THSD7B: variants seen among roughly 807,000 people sequenced by gnomAD.
The protein encoded by THSD7B is thrombospondin type-1 domain-containing protein 7B.
Under a neutral mutation model 213.6 loss-of-function variants are expected in THSD7B, and 138 were observed. The ratio of observed to expected loss-of-function variants is 0.65; its 90% CI spans 0.56 to 0.74. THSD7B has a LOEUF of 0.74. Ranked by LOEUF, THSD7B falls within the 30% of genes least tolerant of loss-of-function variation. The pLI is 0.00. For missense variants in THSD7B, 1,931 were observed against 1,991.5 expected (o/e 0.97, Z 0.58); for synonymous variants, 742 against 687.0 (o/e 1.08, Z -1.25).
chr2:137,366,588 AT>A (rs989454197), intron 12 of THSD7B, among the ~76,000 whole-genome samples: 6 of 151,910 alleles, frequency 3.9e-5, no homozygotes, highest in South Asian at 2.1e-4. Context: ...TACTTCTGCT[AT>A]TTTTTCTCTT....
chr2:137,570,589 C>T (rs1681335157), intron 16 of THSD7B, among the ~76,000 whole-genome samples: 1 of 152,182 alleles, frequency 6.6e-6, no homozygotes, highest in Non-Finnish European at 1.5e-5. Context: ...CAGGATAATT[C>T]ATTAGCATAG....
chr2:136,908,823 A>G (rs975843316), intron 2 of THSD7B, among the ~76,000 whole-genome samples: 1 of 152,178 alleles, frequency 6.6e-6, no homozygotes, highest in African/African-American at 2.4e-5. Flanking sequence ...TTCTGAATAA[A>G]TAAGAGTAGA....
intron 12 of THSD7B, among the ~76,000 whole-genome samples, chr2:137,377,632 C>CTT (rs113931649): frequency 6.9e-5 from 10 of 145,520 alleles, no homozygotes; most frequent in African/African-American, 2.2e-4. Context: ...ATAAAATTCA[C>CTT]TTTTTTTTTT....
At chr2:136,986,072 T>C (rs1685667750) in intron 2 of THSD7B, among the ~76,000 whole-genome samples, 1 of 152,224 alleles carries the variant, frequency 6.6e-6, no homozygotes, top group African/African-American at 2.4e-5. Context: ...AATTGTATCT[T>C]GGGAATAAAT....
At chr2:136,972,151 A>G (rs1344955810) in intron 2 of THSD7B, among the ~76,000 whole-genome samples, 1 of 152,172 alleles carries the variant, frequency 6.6e-6, no homozygotes, top group African/African-American at 2.4e-5. Flanking sequence ...CCATGATGAC[A>G]GAGTCTCAGA....
intron 12 of THSD7B, among the ~76,000 whole-genome samples, chr2:137,286,664 A>C (rs1408917558): frequency 6.6e-6 from 1 of 152,172 alleles, no homozygotes; most frequent in Non-Finnish European, 1.5e-5. Context: ...TAGCAAAAAA[A>C]CAGAGATAGT....
At chr2:137,087,279 C>T (rs543715088) in intron 3 of THSD7B, among the ~76,000 whole-genome samples, 103 of 152,240 alleles carry the variant, frequency 6.8e-4, no homozygotes, top group African/African-American at 2.4e-3. Context: ...ATTACACTCT[C>T]ACCACTCCTC....
intron 2 of THSD7B, among the ~76,000 whole-genome samples, chr2:136,917,678 T>C (rs1409369746): frequency 6.6e-6 from 1 of 152,210 alleles, no homozygotes; most frequent in Non-Finnish European, 1.5e-5. Flanking sequence ...TCACATCATA[T>C]AAATTATTTA....
intron 7 of THSD7B, among the ~76,000 whole-genome samples, chr2:137,216,538 G>A (rs1431277491): frequency 6.6e-6 from 1 of 151,936 alleles, no homozygotes; most frequent in Admixed American, 6.6e-5. Context: ...GAAATTATAG[G>A]GATCCTGTCA....
intron 12 of THSD7B, among the ~76,000 whole-genome samples, chr2:137,288,820 A>G (rs1475410837): frequency 4.0e-5 from 6 of 151,420 alleles, no homozygotes; most frequent in Non-Finnish European, 7.4e-5. Flanking sequence ...TATTAGAATC[A>G]TTTGTTTAAA....
chr2:137,628,430 T>TG (rs1682676127), intron 20 of THSD7B, among the ~76,000 whole-genome samples: 1 of 152,140 alleles, frequency 6.6e-6, no homozygotes, highest in South Asian at 2.1e-4. Context: ...AATTCAGCAC[T>TG]GGGGGAAAAA....
At chr2:136,809,177 G>T (rs575673314) in intron 1 of THSD7B, among the ~76,000 whole-genome samples, 8 of 152,246 alleles carry the variant, frequency 5.3e-5, no homozygotes, top group African/African-American at 1.7e-4. Context: ...ATCAAGGCAG[G>T]GTCTAGGAAT....
At chr2:137,659,839 G>T (rs1290018573) in intron 25 of THSD7B, 93 bp downstream of exon 25, 6 of 1,202,386 alleles carry the variant, frequency 5.0e-6, no homozygotes, top group Non-Finnish European at 7.0e-6. Flanking sequence ...AGCCCAAGCA[G>T]CAGTTCCACG....
At chr2:137,660,830 A>C (rs978994394) in intron 25 of THSD7B, among the ~76,000 whole-genome samples, 13 of 152,182 alleles carry the variant, frequency 8.5e-5, no homozygotes, top group African/African-American at 2.7e-4. Flanking sequence ...CCAACTGAAA[A>C]TATCATATTT....
At chr2:136,837,504 G>T (rs919443767) in intron 1 of THSD7B, among the ~76,000 whole-genome samples, 1 of 152,174 alleles carries the variant, frequency 6.6e-6, no homozygotes, top group African/African-American at 2.4e-5. Flanking sequence ...ATGTCATTCA[G>T]AGTGACTGCT....
chr2:137,434,815 T>C (rs1015921819), intron 14 of THSD7B, among the ~76,000 whole-genome samples: 1 of 152,228 alleles, frequency 6.6e-6, no homozygotes, highest in South Asian at 2.1e-4. Context: ...TTCTCAGTTT[T>C]GTACTTTTAC....
At chr2:136,935,888 CATATA>C (rs1265472254) in intron 2 of THSD7B, among the ~76,000 whole-genome samples, 1 of 147,536 alleles carries the variant, frequency 6.8e-6, no homozygotes, top group Non-Finnish European at 1.5e-5. Context: ...TATATAATTA[CATATA>C]ATATAGTTAT....
chr2:137,370,015 TG>T (rs1421358940), intron 12 of THSD7B, among the ~76,000 whole-genome samples: 1 of 152,202 alleles, frequency 6.6e-6, no homozygotes, highest in African/African-American at 2.4e-5. Flanking sequence ...GTGTCATTTT[TG>T]TTGAGAAAGA....
chr2:136,915,213 T>C (rs1057454439), intron 2 of THSD7B, among the ~76,000 whole-genome samples: 5 of 152,154 alleles, frequency 3.3e-5, no homozygotes, highest in African/African-American at 1.2e-4. Flanking sequence ...AGTATTCACA[T>C]TTGCTCTGAA....
Sources: gnomAD v4.1 joint callset for allele counts (sites outside exome capture counted in the v4.1 genomes callset) on GRCh38, gnomAD v4.1.1 for gene constraint, MANE v1.5 for transcripts, NCBI Gene and HGNC (gene_info 2026-07-23, HGNC 2026-07-21) for gene names.